ARMH3: variants seen among roughly 807,000 people sequenced by gnomAD.
ARMH3 encodes the protein armadillo like helical domain containing 3.
In ARMH3, 60 loss-of-function variants were observed where a neutral mutation model predicts 99.1. The ratio of observed to expected loss-of-function variants is 0.61; its 90% CI spans 0.49 to 0.75. ARMH3 has a LOEUF of 0.75. ARMH3 is among the 30% of genes least tolerant of loss of function. The pLI, the probability that ARMH3 is intolerant of heterozygous loss-of-function variation, is 0.00. For synonymous variants in ARMH3, 285 were observed against 292.8 expected (o/e 0.97, Z 0.27); for missense variants, 679 against 843.1 (o/e 0.81, Z 2.41).
chr10:102,043,533 T>A (rs2067471253), intron 1 of ARMH3, among the ~76,000 whole-genome samples: 1 of 152,076 alleles, frequency 6.6e-6, no homozygotes, highest in African/African-American at 2.4e-5. Context: ...AAGCAAATCA[T>A]GAGAAATAAA....
rs555481860 is a variant in ARMH3, at chr10:101,931,582, T to C, written c.1781+8281A>G. On this transcript the variant is annotated intron_variant, in intron 23 of 25. Transcript: ENST00000370033. ...GATATCCACGTGCCCAAAAATGAAG[T>C]TGGATGCTTACTTTATATCATATAT... Among the ~76,000 whole-genome samples, 3 of 150,284 alleles carry C rather than the reference T, an allele frequency of 2.0e-5. No homozygotes were observed. The East Asian group carries it at 5.8e-4, about 29-fold the overall frequency.
chr10:101,851,045 C>A (rs1173687288), intron 24 of ARMH3, among the ~76,000 whole-genome samples: 1 of 152,192 alleles, frequency 6.6e-6, no homozygotes, highest in African/African-American at 2.4e-5. Context: ...CCAACTCAGT[C>A]TTCTTATCCA....
chr10:101,871,761 G>A (rs2067137168), intron 24 of ARMH3, among the ~76,000 whole-genome samples: 1 of 152,160 alleles, frequency 6.6e-6, no homozygotes, highest in African/African-American at 2.4e-5. Flanking sequence ...AGCACTTTGG[G>A]AGGCCGAGGT....
At chr10:102,050,767 G>A (rs1448526342) in intron 1 of ARMH3, among the ~76,000 whole-genome samples, 3 of 150,320 alleles carry the variant, frequency 2.0e-5, no homozygotes, top group Non-Finnish European at 1.5e-5. Flanking sequence ...TGAGGCACGA[G>A]AATTGCTTGA....
At chr10:101,879,158 T>C (rs547613082) in intron 24 of ARMH3, among the ~76,000 whole-genome samples, 8 of 152,188 alleles carry the variant, frequency 5.3e-5, no homozygotes, top group Non-Finnish European at 1.0e-4. Flanking sequence ...CTTCAGAATA[T>C]CTGACACACT....
At chr10:101,859,786 A>G (rs569170146) in intron 24 of ARMH3, among the ~76,000 whole-genome samples, 1 of 152,356 alleles carries the variant, frequency 6.6e-6, no homozygotes, top group Non-Finnish European at 1.5e-5. Context: ...AAAGAGTTGT[A>G]TCTCAGACAA....
rs779573423 is a variant in ARMH3 at position 101,990,517 on chromosome 10, T to C, written c.1406+34A>G. The C allele has an allele frequency of 2.7e-5, 40 of 1,460,340 alleles. 1 individual carries two copies. The South Asian group carries it at 3.7e-4, about 14-fold the overall frequency. 90.5% of individuals were successfully genotyped at this position (1,460,340 alleles called of 1,614,324 possible). A position where few individuals can be genotyped will look rare whatever the true frequency, so the allele number is the denominator to read the frequency against. On this transcript the variant is annotated intron_variant, in intron 19 of 25. Transcript: ENST00000370033. The stretch of plus-strand genomic sequence containing the variant: ...AACATTCAGTTCTTTAAAATAGATT[T>C]GTACACATTAAATGTGTACATATTT...
intron 24 of ARMH3, among the ~76,000 whole-genome samples, chr10:101,853,189 C>A (rs1320818592): frequency 2.0e-5 from 3 of 152,068 alleles, no homozygotes; most frequent in Admixed American, 1.3e-4. Flanking sequence ...CAGCGCCCGG[C>A]CTTCCCTGGC....
intron 19 of ARMH3, among the ~76,000 whole-genome samples, chr10:101,989,772 C>T (rs1360716245): frequency 6.6e-6 from 1 of 152,118 alleles, no homozygotes; most frequent in African/African-American, 2.4e-5. Flanking sequence ...AACAGTTCTC[C>T]TCAGGAGGCA....
chr10:102,000,696 G>A (rs2066338525), intron 15 of ARMH3, among the ~76,000 whole-genome samples: 1 of 151,628 alleles, frequency 6.6e-6, no homozygotes, highest in Admixed American at 6.6e-5. Flanking sequence ...CCTGAGCCCA[G>A]GAAGTCAAGG....
intron 24 of ARMH3, among the ~76,000 whole-genome samples, chr10:101,865,993 G>T (rs1023093647): frequency 6.6e-6 from 1 of 151,630 alleles, no homozygotes; most frequent in Non-Finnish European, 1.5e-5. Flanking sequence ...GGCCGAGGCA[G>T]GTGGATCACC....
At position 102,038,151 on chromosome 10, in the gene ARMH3, G is replaced by A. The variant is rs537608240; in HGVS notation, c.102+1862C>T. ...GCTCTGTCGCCCAGGCTGGAGTGCA[G>A]TGGCGCGATCTCAGCTCACTGCAAG... On this transcript the variant is annotated intron_variant, in intron 2 of 25. Coordinates refer to ENST00000370033, the MANE Select transcript of ARMH3 (RefSeq NM_024541.3). Among the ~76,000 whole-genome samples, 168 of 140,744 alleles carry A rather than the reference G, an allele frequency of 1.2e-3. 1 individual carries two copies. Among genetic ancestry groups the A allele is most frequent in the African/African-American group, 4.2e-3 (155 of 37,012 alleles). The allele number at this position is 140,744 out of a possible 152,430, so 92.3% of individuals were successfully genotyped here. A position where few individuals can be genotyped will look rare whatever the true frequency, so the allele number is the denominator to read the frequency against.
intron 11 of ARMH3, among the ~76,000 whole-genome samples, chr10:102,011,472 C>A (rs2066626779): frequency 6.6e-6 from 1 of 151,622 alleles, no homozygotes; most frequent in African/African-American, 2.4e-5. Context: ...CCAGAGAAAC[C>A]AAAGCTCTCC....
chr10:101,850,408 ATCTCTCTC>A lies in ARMH3; in HGVS notation c.1861-524_1861-517del, dbSNP rs201648391. On this transcript the variant is annotated intron_variant, in intron 24 of 25. Transcript: ENST00000370033. The stretch of plus-strand genomic sequence containing the variant: ...GCCATTGAGCCTGGCCAACTTTCTA[ATCTCTCTC>A]TCTCTCTTTTTTTTTTTTTCCTTTT... 1.6e-4 allele frequency among the ~76,000 whole-genome samples: 22 copies of A among 138,244 alleles called. No homozygotes were observed. The Admixed American group carries it at 1.6e-3, about 10-fold the overall frequency. 90.7% of individuals were successfully genotyped at this position (138,244 alleles called of 152,430 possible). A position where few individuals can be genotyped will look rare whatever the true frequency, so the allele number is the denominator to read the frequency against.
At chr10:101,858,061 T>C (rs1163411819) in intron 24 of ARMH3, among the ~76,000 whole-genome samples, 1 of 152,264 alleles carries the variant, frequency 6.6e-6, no homozygotes, top group African/African-American at 2.4e-5. Flanking sequence ...AGAGGGATTC[T>C]GATAAGGGAG....
chr10:101,942,681 G>A (rs1388372801), intron 22 of ARMH3, among the ~76,000 whole-genome samples: 1 of 152,034 alleles, frequency 6.6e-6, no homozygotes, highest in East Asian at 1.9e-4. Context: ...AGCCAACATG[G>A]TGAAACCCCA....
intron 1 of ARMH3, among the ~76,000 whole-genome samples, chr10:102,055,325 A>ATAAATAAG (rs1554901273): frequency 1.3e-5 from 2 of 151,954 alleles, no homozygotes; most frequent in East Asian, 3.9e-4. Flanking sequence ...AAATAAATAA[A>ATAAATAAG]TAAAATAAAA....
intron 23 of ARMH3, among the ~76,000 whole-genome samples, chr10:101,889,922 T>C (rs1041568037): frequency 6.6e-6 from 1 of 152,196 alleles, no homozygotes; most frequent in Admixed American, 6.5e-5. Context: ...GCAATCTTCA[T>C]ACTTGTTAGT....
chr10:101,986,899 T>C (rs924453259), intron 19 of ARMH3, among the ~76,000 whole-genome samples: 1 of 152,158 alleles, frequency 6.6e-6, no homozygotes, highest in Non-Finnish European at 1.5e-5. Context: ...TGCCTCGTTA[T>C]CTTCTCCATC....
Sources: allele counts gnomAD v4.1 joint callset (sites outside exome capture counted in the v4.1 genomes callset), GRCh38; gene constraint gnomAD v4.1.1; transcripts MANE v1.5; gene names NCBI Gene and HGNC (gene_info 2026-07-23, HGNC 2026-07-21).